NALCN: variants seen among roughly 807,000 people sequenced by gnomAD.
The protein encoded by NALCN is sodium leak channel NALCN.
A neutral mutation model predicts 225.3 loss-of-function variants in NALCN; 111 were observed. That is an observed-to-expected ratio of 0.49 (90% CI 0.42 to 0.58). The LOEUF is 0.58. Among genes scored for constraint, NALCN ranks in the 20% least tolerant of loss-of-function variants. NALCN has a pLI of 0.00. For synonymous variants in NALCN, 764 were observed against 769.0 expected (o/e 0.99, Z 0.11); for missense variants, 1,378 against 2,202.4 (o/e 0.63, Z 7.49).
chr13:101,403,032 G>A (rs2047519770), intron 1 of NALCN, among the ~76,000 whole-genome samples: 1 of 151,964 alleles, frequency 6.6e-6, no homozygotes, highest in Admixed American at 6.6e-5. Flanking sequence ...GGTCTGGGAT[G>A]CCTTTCAAAA....
chr13:101,279,539 G>A (rs1047009356), intron 10 of NALCN, among the ~76,000 whole-genome samples: 12 of 152,040 alleles, frequency 7.9e-5, no homozygotes, highest in African/African-American at 1.9e-4. Context: ...AAAAAGGGCC[G>A]GGCGCGGTGG....
chr13:101,100,771 A>G lies in NALCN; in HGVS notation c.3162+13T>C. On this transcript the variant is annotated intron_variant, in intron 27 of 43. Coordinates refer to ENST00000251127, the MANE Select transcript of NALCN (RefSeq NM_052867.4). ...TTAATTTTTATTTCAAAAGACAGAA[A>G]GATACATCTTACCCTTCTAATAATG... is the stretch of plus-strand genomic sequence containing the variant. 1.9e-6 allele frequency: 3 copies of G among 1,587,312 alleles called. No individual in the cohort carries two copies. Among genetic ancestry groups the G allele is most frequent in the South Asian group, 1.2e-5 (1 of 86,698 alleles).
chr13:101,233,490 A>G (rs971636687), intron 12 of NALCN, among the ~76,000 whole-genome samples: 7 of 151,782 alleles, frequency 4.6e-5, no homozygotes, highest in Non-Finnish European at 8.8e-5. Context: ...ACAGGCGCCC[A>G]CCACCACGCC....
At chr13:101,279,860 T>TAAAGAAAG (rs1208772159) in intron 10 of NALCN, among the ~76,000 whole-genome samples, 2 of 148,542 alleles carry the variant, frequency 1.3e-5, no homozygotes, top group Admixed American at 1.4e-4. Context: ...AATAAATAAA[T>TAAAGAAAG]AAATAAATAA....
At chr13:101,144,322 A>G (rs1175467275) in intron 16 of NALCN, among the ~76,000 whole-genome samples, 3 of 152,226 alleles carry the variant, frequency 2.0e-5, no homozygotes, top group Admixed American at 1.3e-4. Flanking sequence ...TAAACACTGT[A>G]GTAGTACACA....
chr13:101,238,244 AT>A (rs919772753), intron 11 of NALCN, among the ~76,000 whole-genome samples: 32 of 151,876 alleles, frequency 2.1e-4, no homozygotes, highest in African/African-American at 6.3e-4. Context: ...AAAAGGCTGA[AT>A]TTTTTTGTAT....
At chr13:101,240,339 TTCTCTC>T (rs1024209352) in intron 11 of NALCN, among the ~76,000 whole-genome samples, 16 of 150,416 alleles carry the variant, frequency 1.1e-4, no homozygotes, top group African/African-American at 3.6e-4. Flanking sequence ...CTATCTTTCT[TTCTCTC>T]TCTCTCTCTC....
intron 15 of NALCN, among the ~76,000 whole-genome samples, chr13:101,157,515 A>G (rs1411430626): frequency 6.6e-6 from 1 of 152,206 alleles, no homozygotes; most frequent in Non-Finnish European, 1.5e-5. Context: ...AGTGGAATGT[A>G]AGGGAAGGCC....
intron 17 of NALCN, among the ~76,000 whole-genome samples, chr13:101,131,907 A>G (rs2036538768): frequency 6.6e-6 from 1 of 152,114 alleles, no homozygotes; most frequent in African/African-American, 2.4e-5. Context: ...TTCTTGTTGA[A>G]TTTTAAAGTA....
chr13:101,101,412 C>G (rs955868422), intron 26 of NALCN, among the ~76,000 whole-genome samples: 1 of 151,210 alleles, frequency 6.6e-6, no homozygotes, highest in Non-Finnish European at 1.5e-5. Context: ...TCCCGAGTAG[C>G]TGGGACTACA....
rs2035017046 is a variant in NALCN at position 101,104,882 on chromosome 13, G to T, written c.2636+12C>A. ...TTAAATGTGCATGGAAAATGAAGTT[G>T]GTGATGCTTACTAAAGTTGATGGTA... On this transcript the variant is annotated intron_variant, in intron 23 of 43. Transcript: ENST00000251127. This position sits in a 1 kb window ranked among gnomAD's most constrained non-coding sequence, Gnocchi z 4.2. 2 of 1,613,174 alleles carry T rather than the reference G, an allele frequency of 1.2e-6. No individual in the cohort carries two copies. The highest frequency in any genetic ancestry group is 8.5e-7 in the Non-Finnish European group (1 of 1,179,428).
intron 10 of NALCN, among the ~76,000 whole-genome samples, chr13:101,277,317 A>G (rs190942434): frequency 2.0e-4 from 30 of 152,266 alleles, no homozygotes; most frequent in Non-Finnish European, 3.8e-4. Flanking sequence ...TTCATTTATA[A>G]GAGAACTTGA....
intron 1 of NALCN, among the ~76,000 whole-genome samples, 170 bp downstream of exon 1, chr13:101,416,143 G>A (rs1275114262): frequency 2.8e-5 from 4 of 145,060 alleles, no homozygotes; most frequent in African/African-American, 1.0e-4. Context: ...TCCCCCGCGC[G>A]GGGCCCCCGC....
At chr13:101,110,469 T>G in intron 20 of NALCN, 150 bp downstream of exon 20, 1 of 783,102 alleles carries the variant, frequency 1.3e-6, no homozygotes, top group South Asian at 1.8e-5. Flanking sequence ...GCTACATAAT[T>G]CATATCCTGA....
chr13:101,251,032 C>G (rs1038523668), intron 11 of NALCN, among the ~76,000 whole-genome samples: 2 of 151,922 alleles, frequency 1.3e-5, no homozygotes, highest in African/African-American at 4.8e-5. Context: ...GCTCATATAT[C>G]CTGGTAGGAA....
chr13:101,412,669 A>G (rs2047824392), intron 1 of NALCN, among the ~76,000 whole-genome samples: 1 of 152,208 alleles, frequency 6.6e-6, no homozygotes, highest in Non-Finnish European at 1.5e-5. Flanking sequence ...GGAAATTGTG[A>G]ACTGAACTTT....
intron 15 of NALCN, among the ~76,000 whole-genome samples, chr13:101,165,794 G>A (rs955688485): frequency 7.9e-5 from 12 of 152,176 alleles, no homozygotes; most frequent in Admixed American, 3.3e-4. Flanking sequence ...ACCATTTTAA[G>A]TGTACAGTTC....
At chr13:101,288,102 T>C (rs1024039297) in intron 9 of NALCN, among the ~76,000 whole-genome samples, 1 of 152,244 alleles carries the variant, frequency 6.6e-6, no homozygotes, top group East Asian at 1.9e-4. Context: ...GATACCTGGC[T>C]TGATTTCATT....
At chr13:101,234,519 T>A (rs770314945) in intron 12 of NALCN, among the ~76,000 whole-genome samples, 1 of 152,196 alleles carries the variant, frequency 6.6e-6, no homozygotes, top group African/African-American at 2.4e-5. Flanking sequence ...GGAAGACCAA[T>A]GTAGGCCTTT....
Sources: allele counts gnomAD v4.1 joint callset (sites outside exome capture counted in the v4.1 genomes callset), GRCh38; gene constraint gnomAD v4.1.1; non-coding constraint Gnocchi (gnomAD v3.1); transcripts MANE v1.5; gene names NCBI Gene and HGNC (gene_info 2026-07-23, HGNC 2026-07-21).